PXDNL: variants seen among roughly 807,000 people sequenced by gnomAD.
PXDNL encodes probable oxidoreductase PXDNL.
Under a neutral mutation model 150.8 loss-of-function variants are expected in PXDNL, and 145 were observed. That is an observed-to-expected ratio of 0.96 (90% CI 0.84 to 1.10). PXDNL has a LOEUF of 1.10. Among genes scored for constraint, PXDNL ranks in the 50% least tolerant of loss-of-function variants. PXDNL has a pLI of 0.00. For missense variants in PXDNL, 2,087 were observed against 1,873.9 expected (o/e 1.11, Z -2.10); for synonymous variants, 757 against 725.7 (o/e 1.04, Z -0.69).
chr8:51,509,111 G>C (rs1017179858), intron 4 of PXDNL, among the ~76,000 whole-genome samples: 5 of 152,114 alleles, frequency 3.3e-5, no homozygotes, highest in African/African-American at 1.2e-4. Flanking sequence ...CATCCTTGTT[G>C]AGATAGTAGA....
At chr8:51,679,982 C>A (rs1292890541) in intron 1 of PXDNL, among the ~76,000 whole-genome samples, 1 of 152,218 alleles carries the variant, frequency 6.6e-6, no homozygotes, top group Non-Finnish European at 1.5e-5. Context: ...TTCCCTGAAA[C>A]TTGTATGTGA....
chr8:51,460,660 A>T (rs2130019918), intron 8 of PXDNL, among the ~76,000 whole-genome samples: 1 of 151,724 alleles, frequency 6.6e-6, no homozygotes. Context: ...AGAAGAGGTG[A>T]GTGAAGGAAA....
chr8:51,635,180 A>G (rs1454875335), intron 2 of PXDNL, among the ~76,000 whole-genome samples: 1 of 152,112 alleles, frequency 6.6e-6, no homozygotes, highest in African/African-American at 2.4e-5. Flanking sequence ...CTTAGGACAA[A>G]CGAAAACAAA....
At chr8:51,626,277 C>T (rs1254997699) in intron 2 of PXDNL, among the ~76,000 whole-genome samples, 5 of 152,154 alleles carry the variant, frequency 3.3e-5, no homozygotes, top group Admixed American at 6.5e-5. Context: ...CTACATAAAC[C>T]GTGCAACCTT....
rs748321582 is a variant in PXDNL, at chr8:51,447,024, T to G, written c.1505A>C (p.Gln502Pro). ...ATTACCTTTGGGTTTTACAGTCAGC[T>G]GCACAGACACCTTTTTCACCCCCAA... ...SSLGVKKVSVQLTVKPKALAV... is the reference protein window; with the variant it reads ...SSLGVKKVSVPLTVKPKALAV... Residue 502 changes from glutamine to proline, a missense_variant, in exon 12 of 23, where the codon CAG becomes CCG. Physicochemically the swap from Gln to Pro is moderately conservative, Grantham distance 76. Transcript: ENST00000356297. 7.4e-6 allele frequency: 12 copies of G among 1,613,998 alleles called. No individual in the cohort carries two copies. Among genetic ancestry groups the G allele is most frequent in the Non-Finnish European group, 8.5e-7 (1 of 1,179,886 alleles).
intron 1 of PXDNL, among the ~76,000 whole-genome samples, chr8:51,726,601 T>A (rs1816821711): frequency 2.6e-5 from 4 of 152,208 alleles, no homozygotes; most frequent in Admixed American, 2.6e-4. Flanking sequence ...TGAACTATTC[T>A]TTAACTCACA....
intron 1 of PXDNL, among the ~76,000 whole-genome samples, chr8:51,732,248 C>G (rs968354457): frequency 6.6e-6 from 1 of 152,218 alleles, no homozygotes; most frequent in African/African-American, 2.4e-5. Context: ...TCATCTCTCT[C>G]TAGCTCAAAG....
chr8:51,594,135 T>C (rs1170079920), intron 2 of PXDNL, among the ~76,000 whole-genome samples: 1 of 152,244 alleles, frequency 6.6e-6, no homozygotes, highest in Non-Finnish European at 1.5e-5. Flanking sequence ...CACCTTAGTC[T>C]ATTAAATACA....
chr8:51,698,595 C>T (rs1816191641), intron 1 of PXDNL, among the ~76,000 whole-genome samples: 1 of 152,198 alleles, frequency 6.6e-6, no homozygotes, highest in Non-Finnish European at 1.5e-5. Context: ...GAATCGACTT[C>T]TTCCAAACTC....
rs114370611 is a variant in PXDNL at position 51,480,830 on chromosome 8, A to G, written c.524+2813T>C. On this transcript the variant is annotated intron_variant, in intron 6 of 22. Transcript: ENST00000356297. ...TAAGATATTCCTTTGCTCTTTCTTC[A>G]TTTTCTGCCATGATTGTGAGGCCTC... Among the ~76,000 whole-genome samples, 518 of 152,138 alleles carry G rather than the reference A, an allele frequency of 3.4e-3. 2 individuals are homozygous for G. Among genetic ancestry groups the G allele is most frequent in the African/African-American group, 0.012 (487 of 41,498 alleles).
intron 1 of PXDNL, among the ~76,000 whole-genome samples, chr8:51,807,593 G>A (rs969515315): frequency 1.3e-5 from 2 of 152,152 alleles, no homozygotes; most frequent in Non-Finnish European, 2.9e-5. Flanking sequence ...AACACATTTT[G>A]TAAGTGGTGG....
intron 4 of PXDNL, among the ~76,000 whole-genome samples, chr8:51,530,663 C>T (rs760413111): frequency 2.0e-4 from 31 of 152,158 alleles, no homozygotes; most frequent in Non-Finnish European, 4.4e-4. Flanking sequence ...GCCTAGTTAG[C>T]TCCGACCTGT....
chr8:51,528,238 T>G (rs1811807813), intron 4 of PXDNL, among the ~76,000 whole-genome samples: 1 of 152,086 alleles, frequency 6.6e-6, no homozygotes, highest in African/African-American at 2.4e-5. Context: ...AAACAAGTTC[T>G]ACCAGCTAGT....
intron 17 of PXDNL, among the ~76,000 whole-genome samples, chr8:51,376,353 C>A (rs1193214775): frequency 5.9e-5 from 9 of 152,176 alleles, no homozygotes; most frequent in African/African-American, 2.2e-4. Flanking sequence ...TGCTGCCCTT[C>A]CCCACTTTCT....
At chr8:51,507,967 A>G (rs926565445) in intron 4 of PXDNL, among the ~76,000 whole-genome samples, 6 of 152,194 alleles carry the variant, frequency 3.9e-5, no homozygotes, top group African/African-American at 7.2e-5. Flanking sequence ...TGGAGCCTCA[A>G]TTGAAGGCTG....
intron 3 of PXDNL, among the ~76,000 whole-genome samples, chr8:51,583,187 G>A (rs1245664540): frequency 6.6e-6 from 1 of 152,100 alleles, no homozygotes; most frequent in African/African-American, 2.4e-5. Flanking sequence ...TCTGAGGCTG[G>A]GTAATTTATA....
intron 4 of PXDNL, among the ~76,000 whole-genome samples, chr8:51,535,238 T>C (rs979356671): frequency 7.6e-6 from 1 of 131,668 alleles, no homozygotes; most frequent in Non-Finnish European, 1.5e-5. Context: ...TCATTGGGGA[T>C]GGGCCATGAT....
intron 4 of PXDNL, among the ~76,000 whole-genome samples, chr8:51,544,874 A>T (rs1812321170): frequency 6.6e-6 from 1 of 151,792 alleles, no homozygotes; most frequent in Non-Finnish European, 1.5e-5. Flanking sequence ...AAAATGGATG[A>T]TGTACAATAA....
intron 6 of PXDNL, among the ~76,000 whole-genome samples, chr8:51,477,051 C>A (rs954744591): frequency 4.6e-5 from 7 of 152,118 alleles, no homozygotes; most frequent in African/African-American, 1.7e-4. Flanking sequence ...CTGGAAGAGA[C>A]AAACCTGAAA....
Sources: gnomAD v4.1 joint callset for allele counts (sites outside exome capture counted in the v4.1 genomes callset) on GRCh38, gnomAD v4.1.1 for gene constraint, MANE v1.5 for transcripts, NCBI Gene and HGNC (gene_info 2026-07-23, HGNC 2026-07-21) for gene names.